The following KDM4C variants were observed in gnomAD, a reference collection of about 807,000 sequenced individuals.
The protein encoded by KDM4C is lysine-specific demethylase 4C.
Under a neutral mutation model 129.3 loss-of-function variants are expected in KDM4C, and 81 were observed. That is an observed-to-expected ratio of 0.63 (90% confidence interval 0.52 to 0.75). KDM4C has a LOEUF of 0.75. Among genes scored for constraint, KDM4C ranks in the 30% least tolerant of loss-of-function variants. KDM4C has a pLI of 0.00. For synonymous variants in KDM4C, 573 were observed against 456.1 expected, an observed-to-expected ratio of 1.26 and a Z score of -3.26; for missense variants, 1,457 against 1,304.0, an observed-to-expected ratio of 1.12 and a Z score of -1.81.
At chr9:7,014,441 G>T (rs966819328) in intron 14 of KDM4C, 1 of 156,060 alleles carries the variant, frequency 6.4e-6, no homozygotes, top group Middle Eastern at 3.4e-3. Flanking sequence ...TTTTTCATTC[G>T]TGAGGATAGG....
chr9:6,798,660 C>T (rs1156255439), intron 2 of KDM4C, among the ~76,000 whole-genome samples: 1 of 152,212 alleles, frequency 6.6e-6, no homozygotes, highest in Non-Finnish European at 1.5e-5. Context: ...GACACAGCAA[C>T]CATCCGATTT....
chr9:7,089,586 G>A (rs752549546), intron 17 of KDM4C, among the ~76,000 whole-genome samples: 11 of 152,148 alleles, frequency 7.2e-5, no homozygotes, highest in Non-Finnish European at 1.2e-4. Context: ...ATACTCTTGT[G>A]AGGTATAATA....
chr9:6,889,637 T>G (rs1845836756), intron 7 of KDM4C, among the ~76,000 whole-genome samples: 1 of 152,180 alleles, frequency 6.6e-6, no homozygotes, highest in Non-Finnish European at 1.5e-5. Context: ...AGTGCTTCTT[T>G]TAAGTAGTTG....
intron 8 of KDM4C, among the ~76,000 whole-genome samples, chr9:6,904,178 G>T (rs919413199): frequency 6.6e-6 from 1 of 152,078 alleles, no homozygotes; most frequent in African/African-American, 2.4e-5. Context: ...GGCAGAGGTT[G>T]TGGTGAGCTG....
chr9:6,826,782 G>T (rs568644036), intron 4 of KDM4C, among the ~76,000 whole-genome samples: 12 of 151,750 alleles, frequency 7.9e-5, no homozygotes, highest in African/African-American at 2.9e-4. Context: ...CAGGAGAATC[G>T]CTTGAACCTG....
intron 17 of KDM4C, among the ~76,000 whole-genome samples, chr9:7,059,432 A>G (rs921727181): frequency 6.6e-6 from 1 of 152,198 alleles, no homozygotes; most frequent in Admixed American, 6.5e-5. Flanking sequence ...TGATGAATGC[A>G]TGATGTTACC....
intron 4 of KDM4C, among the ~76,000 whole-genome samples, chr9:6,819,558 A>T (rs909556787): frequency 6.6e-6 from 1 of 152,214 alleles, no homozygotes; most frequent in African/African-American, 2.4e-5. Context: ...TGACATTTTC[A>T]TGCTTTTGTA....
chr9:6,973,357 G>A (rs374571080), intron 8 of KDM4C, among the ~76,000 whole-genome samples: 3 of 152,038 alleles, frequency 2.0e-5, no homozygotes, highest in East Asian at 3.9e-4. Context: ...TGACCATATT[G>A]TTAACATTAG....
intron 1 of KDM4C, among the ~76,000 whole-genome samples, chr9:6,786,150 A>C (rs1825441966): frequency 3.3e-5 from 1 of 30,312 alleles, no homozygotes. Flanking sequence ...AGTCAGAAAC[A>C]CAGGTGTAGA....
At chr9:6,994,526 C>T (rs1185158984) in intron 12 of KDM4C, among the ~76,000 whole-genome samples, 1 of 152,162 alleles carries the variant, frequency 6.6e-6, no homozygotes, top group African/African-American at 2.4e-5. Context: ...TCTGTCTCCC[C>T]ACTCTCATTC....
At chr9:6,964,416 A>C (rs1269721886) in intron 8 of KDM4C, among the ~76,000 whole-genome samples, 1 of 151,328 alleles carries the variant, frequency 6.6e-6, no homozygotes, top group Non-Finnish European at 1.5e-5. Context: ...AAAGGACATG[A>C]ACTCATCCTT....
intron 5 of KDM4C, among the ~76,000 whole-genome samples, chr9:6,870,667 G>A (rs1012860513): frequency 2.6e-5 from 4 of 152,000 alleles, no homozygotes; most frequent in African/African-American, 7.3e-5. Context: ...AAGCTTATGC[G>A]AGGAATGGGG....
intron 5 of KDM4C, among the ~76,000 whole-genome samples, chr9:6,865,386 A>C (rs10975860): frequency 1.3e-5 from 2 of 151,954 alleles, no homozygotes; most frequent in Non-Finnish European, 2.9e-5. Flanking sequence ...TGAAAGTGCT[A>C]TCTTGAATTC....
At chr9:6,763,153 C>G (rs1473577690) in intron 1 of KDM4C, among the ~76,000 whole-genome samples, 1 of 152,084 alleles carries the variant, frequency 6.6e-6, no homozygotes, top group Non-Finnish European at 1.5e-5. Flanking sequence ...AAGCCTATCC[C>G]CCCTGCTCCT....
chr9:6,938,380 A>G (rs897052446), intron 8 of KDM4C, among the ~76,000 whole-genome samples: 3 of 152,218 alleles, frequency 2.0e-5, no homozygotes, highest in Admixed American at 6.5e-5. Context: ...TAGGAGGATG[A>G]AAAGAAATAG....
chr9:7,130,797 C>T (rs762825853), intron 19 of KDM4C, among the ~76,000 whole-genome samples: 22 of 151,890 alleles, frequency 1.4e-4, no homozygotes, highest in Non-Finnish European at 2.5e-4. Context: ...CTCATTTTGT[C>T]GCCTAGGCTG....
At chr9:6,798,706 C>G (rs1291896830) in intron 2 of KDM4C, among the ~76,000 whole-genome samples, 1 of 152,228 alleles carries the variant, frequency 6.6e-6, no homozygotes. Context: ...CTTTTCTATT[C>G]CACAAAACCG....
chr9:6,971,139 T>C (rs531185946), intron 8 of KDM4C, among the ~76,000 whole-genome samples: 2 of 152,314 alleles, frequency 1.3e-5, no homozygotes, highest in South Asian at 4.1e-4. Context: ...ACTATAGCCA[T>C]GTAGTGATTT....
At chr9:7,136,963 C>A (rs776341781) in intron 19 of KDM4C, among the ~76,000 whole-genome samples, 3 of 152,208 alleles carry the variant, frequency 2.0e-5, no homozygotes, top group Non-Finnish European at 4.4e-5. Context: ...CTCAAGCCTT[C>A]AATGTTTTAG....
Sources: gnomAD v4.1 joint callset for allele counts (sites outside exome capture counted in the v4.1 genomes callset) on GRCh38, gnomAD v4.1.1 for gene constraint, MANE v1.5 for transcripts, NCBI Gene and HGNC (gene_info 2026-07-23, HGNC 2026-07-21) for gene names.